The following MAGI2 variants were observed in gnomAD, a reference collection of about 807,000 sequenced individuals.
MAGI2 encodes membrane-associated guanylate kinase, WW and PDZ domain-containing protein 2.
In MAGI2, 35 loss-of-function variants were observed where a neutral mutation model predicts 133.3. The ratio of observed to expected loss-of-function variants is 0.26; its 90% CI spans 0.20 to 0.35. The LOEUF is 0.35. Ranked by LOEUF, MAGI2 falls within the 10% of genes least tolerant of loss-of-function variation. The pLI, the probability that MAGI2 is intolerant of heterozygous loss-of-function variation, is 1.00. For missense variants in MAGI2, 1,636 were observed against 1,863.4 expected, an observed-to-expected ratio of 0.88 and a Z score of 2.25; for synonymous variants, 729 against 710.6, an observed-to-expected ratio of 1.03 and a Z score of -0.41.
intron 6 of MAGI2, among the ~76,000 whole-genome samples, chr7:78,418,618 G>T (rs1798510377): frequency 6.6e-6 from 1 of 152,096 alleles, no homozygotes; most frequent in African/African-American, 2.4e-5. Context: ...AATGTAAATA[G>T]CCACATGTGC....
intron 21 of MAGI2, among the ~76,000 whole-genome samples, chr7:78,073,126 C>G (rs1464790643): frequency 6.6e-6 from 1 of 152,202 alleles, no homozygotes; most frequent in Non-Finnish European, 1.5e-5. Context: ...CCATTCATTT[C>G]TTTACCTATA....
At chr7:78,269,690 AT>A (rs1355728719) in intron 9 of MAGI2, among the ~76,000 whole-genome samples, 1 of 152,104 alleles carries the variant, frequency 6.6e-6, no homozygotes, top group African/African-American at 2.4e-5. Flanking sequence ...AGATGGATAG[AT>A]TGCAAAAATT....
At chr7:78,801,957 G>A (rs1788099258) in intron 2 of MAGI2, among the ~76,000 whole-genome samples, 1 of 152,132 alleles carries the variant, frequency 6.6e-6, no homozygotes, top group African/African-American at 2.4e-5. Flanking sequence ...ACTGAGGTGA[G>A]CAGAGAATAT....
chr7:78,667,598 T>A (rs997828548), intron 2 of MAGI2, among the ~76,000 whole-genome samples: 60 of 147,876 alleles, frequency 4.1e-4, no homozygotes, highest in African/African-American at 1.1e-3. Flanking sequence ...TGTCCATGTG[T>A]TCTCATTGTT....
intron 1 of MAGI2, among the ~76,000 whole-genome samples, chr7:79,451,425 A>G (rs1248089054): frequency 6.6e-6 from 1 of 152,142 alleles, no homozygotes; most frequent in African/African-American, 2.4e-5. Context: ...CTGTATTTGA[A>G]CCTTAGGTAT....
intron 6 of MAGI2, among the ~76,000 whole-genome samples, chr7:78,437,430 AAGC>A (rs1289182076): frequency 6.6e-6 from 1 of 152,234 alleles, no homozygotes; most frequent in Non-Finnish European, 1.5e-5. Context: ...TCTAAATAGA[AAGC>A]AGTGGTACAA....
At chr7:78,369,285 T>C in intron 6 of MAGI2, 72 bp from the exon 7 acceptor site, 1 of 1,079,074 alleles carries the variant, frequency 9.3e-7, no homozygotes, top group Non-Finnish European at 1.4e-6. Context: ...ATAATTTAAT[T>C]GTTCATGGAT....
rs1418960411 is a variant in MAGI2, at chr7:79,216,809, G to T, written c.302-209603C>A. ...AGATGGTTGTTGTCTTCAAATGCAA[G>T]AACAGAATAGAGTGGAGTAAGAGAC... On this transcript the variant is annotated intron_variant, in intron 1 of 21. Transcript: ENST00000354212. Among the ~76,000 whole-genome samples, 3 of 152,212 alleles carry T rather than the reference G, an allele frequency of 2.0e-5. 1 individual carries two copies. The highest frequency in any genetic ancestry group is 6.5e-5 in the Admixed American group (1 of 15,302).
At chr7:78,652,570 A>G (rs1173081582) in intron 2 of MAGI2, among the ~76,000 whole-genome samples, 1 of 152,046 alleles carries the variant, frequency 6.6e-6, no homozygotes, top group Non-Finnish European at 1.5e-5. Context: ...AGCTAGCCAT[A>G]TGCAGAAAAC....
chr7:79,374,866 T>G (rs2129137322), intron 1 of MAGI2, among the ~76,000 whole-genome samples: 1 of 152,062 alleles, frequency 6.6e-6, no homozygotes, highest in East Asian at 1.9e-4. Flanking sequence ...CCTCTTTGCA[T>G]TCTCATCTGC....
At chr7:78,743,819 C>G (rs902663949) in intron 2 of MAGI2, among the ~76,000 whole-genome samples, 2 of 152,188 alleles carry the variant, frequency 1.3e-5, no homozygotes, top group African/African-American at 4.8e-5. Context: ...CCATACTGAA[C>G]AGTTCTCTAT....
Position 79,214,399 on chromosome 7 carries a change from CTCTCTCTCTATATATATATATA to C in MAGI2, c.302-207215_302-207194del, listed in dbSNP as rs1472459875. ...TCTCTCTCTCTCTCTCTCTCTCTCTCTCTCTCTCTATATATATATATATATATATATATATATATATATAAAT... is the reference window on the plus strand; with the variant it reads ...TCTCTCTCTCTCTCTCTCTCTCTCTCTATATATATATATATATATATAAAT... On this transcript the variant is annotated intron_variant, in intron 1 of 21. Coordinates refer to ENST00000354212, the MANE Select transcript of MAGI2 (RefSeq NM_012301.4). 6.9e-5 allele frequency among the ~76,000 whole-genome samples: 5 copies of C among 72,164 alleles called. No individual in the cohort carries two copies. The East Asian group carries it at 1.4e-3, about 20-fold the overall frequency. The allele number at this position is 72,164 out of a possible 152,430, so 47.3% of individuals were successfully genotyped here. A position where few individuals can be genotyped will look rare whatever the true frequency, so the allele number is the denominator to read the frequency against.
chr7:79,301,082 T>C (rs1340239913), intron 1 of MAGI2, among the ~76,000 whole-genome samples: 1 of 152,204 alleles, frequency 6.6e-6, no homozygotes, highest in Non-Finnish European at 1.5e-5. Context: ...ACAGAAGCCA[T>C]CTGCAGGGGT....
chr7:78,495,114 A>G (rs1034257688), intron 5 of MAGI2, among the ~76,000 whole-genome samples: 2 of 152,172 alleles, frequency 1.3e-5, no homozygotes, highest in South Asian at 2.1e-4. Context: ...TTACGTTTAC[A>G]AAACACTTTT....
intron 16 of MAGI2, among the ~76,000 whole-genome samples, chr7:78,142,480 C>T (rs905271692): frequency 2.2e-4 from 33 of 151,978 alleles, no homozygotes; most frequent in African/African-American, 8.0e-4. Context: ...AAAAGGCAGT[C>T]CAAAAAATTT....
At chr7:78,045,826 T>C (rs909652312) in intron 21 of MAGI2, among the ~76,000 whole-genome samples, 2 of 152,180 alleles carry the variant, frequency 1.3e-5, no homozygotes, top group African/African-American at 4.8e-5. Flanking sequence ...TGGGAGATGT[T>C]ACATTTCATC....
chr7:78,780,039 A>T (rs1362878798), intron 2 of MAGI2, among the ~76,000 whole-genome samples: 31 of 152,256 alleles, frequency 2.0e-4, no homozygotes, highest in Admixed American at 2.0e-3. Flanking sequence ...ACCCTTAATT[A>T]AATGACTCTG....
intron 1 of MAGI2, among the ~76,000 whole-genome samples, chr7:79,106,960 T>C (rs1818501385): frequency 6.6e-6 from 1 of 152,122 alleles, no homozygotes; most frequent in Non-Finnish European, 1.5e-5. Flanking sequence ...CAAAATGTGG[T>C]CCAAAGCAGA....
At chr7:78,839,252 A>C (rs190790220) in intron 2 of MAGI2, among the ~76,000 whole-genome samples, 1 of 152,232 alleles carries the variant, frequency 6.6e-6, no homozygotes, top group East Asian at 1.9e-4. Context: ...AATGATTAAC[A>C]TAAAAATGTA....
Sources: allele counts gnomAD v4.1 joint callset (sites outside exome capture counted in the v4.1 genomes callset), GRCh38; gene constraint gnomAD v4.1.1; transcripts MANE v1.5; gene names NCBI Gene and HGNC (gene_info 2026-07-23, HGNC 2026-07-21).